NDUFC2: variants seen among roughly 807,000 people sequenced by gnomAD.
The protein encoded by NDUFC2 is NADH dehydrogenase [ubiquinone] 1 subunit C2.
A neutral mutation model predicts 10.1 loss-of-function variants in NDUFC2; 2 were observed. The observed-to-expected ratio is 0.20, with a 90% confidence interval of 0.08 to 0.62. The LOEUF (loss-of-function observed/expected upper bound fraction) is 0.62. NDUFC2 is among the 20% of genes least tolerant of loss of function. NDUFC2 has a pLI of 0.87. For synonymous variants in NDUFC2, 61 were observed against 63.6 expected, an observed-to-expected ratio of 0.96 and a Z score of 0.20; for missense variants, 156 against 159.6, an observed-to-expected ratio of 0.98 and a Z score of 0.12.
At chr11:78,072,657 A>G (rs1036117644) in intron 2 of NDUFC2, among the ~76,000 whole-genome samples, 1 of 152,218 alleles carries the variant, frequency 6.6e-6, no homozygotes, top group African/African-American at 2.4e-5. Flanking sequence ...AGTAGAACTG[A>G]TAAGACCTGA....
At chr11:78,078,282 G>C (rs904579722) in intron 1 of NDUFC2, among the ~76,000 whole-genome samples, 6 of 152,150 alleles carry the variant, frequency 3.9e-5, no homozygotes, top group Non-Finnish European at 2.9e-5. Flanking sequence ...AGCTTACAAA[G>C]TTCCTGACTG....
intron 1 of NDUFC2, among the ~76,000 whole-genome samples, chr11:78,075,646 C>G (rs1165266439): frequency 6.6e-6 from 1 of 152,166 alleles, no homozygotes; most frequent in Non-Finnish European, 1.5e-5. Context: ...AATACAGAGG[C>G]ATGATCACAC....
At chr11:78,077,947 G>A (rs1285275171) in intron 1 of NDUFC2, among the ~76,000 whole-genome samples, 1 of 152,198 alleles carries the variant, frequency 6.6e-6, no homozygotes, top group Non-Finnish European at 1.5e-5. Context: ...GTGATGAAAA[G>A]GGAAAACCTC....
At chr11:78,070,076 A>T in intron 2 of NDUFC2, 40 bp from the exon 3 acceptor site, 1 of 1,380,456 alleles carries the variant, frequency 7.2e-7, no homozygotes, top group Non-Finnish European at 1.0e-6. Flanking sequence ...TTTTAAAAAT[A>T]TGTTTTAAAA....
chr11:78,075,884 G>A (rs1042531202), intron 1 of NDUFC2, among the ~76,000 whole-genome samples: 6 of 152,068 alleles, frequency 3.9e-5, no homozygotes, highest in African/African-American at 2.4e-5. Flanking sequence ...CACGGTGTCC[G>A]GCCAGAATAT....
chr11:78,079,444 C>T, intron 1 of NDUFC2, 135 bp downstream of exon 1: 1 of 1,315,418 alleles, frequency 7.6e-7, no homozygotes, highest in African/African-American at 1.5e-5. Context: ...GCGGACTCCC[C>T]GGAAAGGCGA....
intron 1 of NDUFC2, among the ~76,000 whole-genome samples, chr11:78,075,082 C>G (rs1859188659): frequency 6.6e-6 from 1 of 152,216 alleles, no homozygotes; most frequent in African/African-American, 2.4e-5. Context: ...CTCAGTGAGT[C>G]TAACCCCGGC....
intron 2 of NDUFC2, among the ~76,000 whole-genome samples, chr11:78,071,223 T>C (rs1331537734): frequency 6.6e-6 from 1 of 152,100 alleles, no homozygotes; most frequent in African/African-American, 2.4e-5. Flanking sequence ...AATTTAAATG[T>C]TTTATATCAC....
intron 1 of NDUFC2, among the ~76,000 whole-genome samples, chr11:78,078,547 G>A (rs1437566336): frequency 6.6e-6 from 1 of 151,974 alleles, no homozygotes; most frequent in African/African-American, 2.4e-5. Flanking sequence ...AAGCTACTGT[G>A]GTGGTTATTA....
chr11:78,073,379 C>A lies in NDUFC2; in HGVS notation c.167-238G>T, dbSNP rs895938072. Among the ~76,000 whole-genome samples the A allele has an allele frequency of 2.6e-5, 4 of 152,004 alleles. 1 individual carries two copies. The highest frequency in any genetic ancestry group is 6.6e-5 in the Admixed American group (1 of 15,244). ...TGGTGGCGGGTGCCTGTAGTCTCAG[C>A]TACTTGGGAGGCTGAGGCAGGCGAA... On this transcript the variant is annotated intron_variant, in intron 1 of 2. Transcript: ENST00000281031.
At chr11:78,073,801 C>CAAAAAA (rs11290651) in intron 1 of NDUFC2, among the ~76,000 whole-genome samples, 1 of 62,086 alleles carries the variant, frequency 1.6e-5, no homozygotes, top group Non-Finnish European at 2.9e-5. Context: ...GGCTCTGTCT[C>CAAAAAA]AAAAAAAAAA....
chr11:78,077,327 A>G (rs537956947), intron 1 of NDUFC2, among the ~76,000 whole-genome samples: 2 of 152,270 alleles, frequency 1.3e-5, no homozygotes, highest in East Asian at 3.9e-4. Context: ...TGAACAATTT[A>G]CAAATATATG....
At position 78,079,780 on chromosome 11, in the gene NDUFC2, C is replaced by A; in HGVS notation, c.-36G>T. The A allele has an allele frequency of 6.3e-7, 1 of 1,580,164 alleles. No homozygotes were observed. Among genetic ancestry groups the A allele is most frequent in the Non-Finnish European group, 8.6e-7 (1 of 1,167,340 alleles). ...TTTCCACTTGAGGCCTGGTCTCAGA[C>A]CACGAACTACAAGGAAAACCACGAC... is the stretch of plus-strand genomic sequence containing the variant. On this transcript the variant is annotated 5_prime_UTR_variant, in exon 1 of 3. Coordinates refer to ENST00000281031, the MANE Select transcript of NDUFC2 (RefSeq NM_004549.6).
At chr11:78,079,163 G>T (rs2136847423) in intron 1 of NDUFC2, among the ~76,000 whole-genome samples, 1 of 150,434 alleles carries the variant, frequency 6.6e-6, no homozygotes, top group Admixed American at 6.6e-5. Flanking sequence ...ATGACCTTGG[G>T]CAAGCTGCTG....
At chr11:78,077,771 T>C (rs1859314524) in intron 1 of NDUFC2, among the ~76,000 whole-genome samples, 1 of 152,206 alleles carries the variant, frequency 6.6e-6, no homozygotes, top group South Asian at 2.1e-4. Flanking sequence ...TTGCCCAGGC[T>C]GGTCTTGAAC....
In NDUFC2 at chr11:78,068,961, T is replaced by C. The variant is rs544225085; in HGVS notation, c.*1026A>G. 1 of 152,132 alleles carries C rather than the reference T, an allele frequency of 6.6e-6. No homozygotes were observed. The highest frequency in any genetic ancestry group is 1.9e-4 in the East Asian group (1 of 5,180). 9.4% of individuals were successfully genotyped at this position (152,132 alleles called of 1,614,324 possible). On this transcript the variant is annotated 3_prime_UTR_variant, in exon 3 of 3. Coordinates refer to ENST00000281031, the MANE Select transcript of NDUFC2 (RefSeq NM_004549.6). ...CAGTGAACTGTGACACAACCACAAT[T>C]AATTGCATCCTCGAATTCCAGGGCT...
Position 78,071,254 on chromosome 11 carries a change from AT to A in NDUFC2, c.311-1219del, listed in dbSNP as rs34320551. On this transcript the variant is annotated intron_variant, in intron 2 of 2. Coordinates refer to ENST00000281031, the MANE Select transcript of NDUFC2 (RefSeq NM_004549.6). ...ATCACGCATTTACATTAACAGAAGA[AT>A]TTTTTTTTTTTTTTTTTTTTGAGAC... is the stretch of plus-strand genomic sequence containing the variant. 4.4e-3 allele frequency among the ~76,000 whole-genome samples: 561 copies of A among 127,724 alleles called. 2 individuals are homozygous for A. The highest frequency in any genetic ancestry group is 9.8e-3 in the African/African-American group (342 of 34,972). The allele number at this position is 127,724 out of a possible 152,430, so 83.8% of individuals were successfully genotyped here.
In NDUFC2 at chr11:78,079,688, G is replaced by A. The variant is rs1231665764; in HGVS notation, c.57C>T (p.Ser19=). The change falls in exon 1 of 3, where the codon AGC becomes AGT. Residue 19 remains serine (S), a synonymous_variant. Coordinates refer to ENST00000281031, the MANE Select transcript of NDUFC2 (RefSeq NM_004549.6). ...GGTCGGTCAGCTTGGGCGGGGGCAG[G>A]CTCCGGGCCTCATCCGGCAGAAACC... ...PLRFLPDEAR[S]LPPPKLTDPR... The A allele has an allele frequency of 3.7e-6, 6 of 1,609,812 alleles. No homozygotes were observed. In the South Asian group the frequency reaches 5.5e-5, roughly 15 times the overall value.
At chr11:78,070,082 T>C (rs765098347) in intron 2 of NDUFC2, 46 bp from the exon 3 acceptor site, 6 of 1,349,322 alleles carry the variant, frequency 4.4e-6, no homozygotes, top group South Asian at 1.3e-5. Flanking sequence ...AAATATGTTT[T>C]AAAAATTGTA....
Sources: gnomAD v4.1 joint callset for allele counts (sites outside exome capture counted in the v4.1 genomes callset) on GRCh38, gnomAD v4.1.1 for gene constraint, MANE v1.5 for transcripts, NCBI Gene and HGNC (gene_info 2026-07-23, HGNC 2026-07-21) for gene names.